TGFB2: variants seen among roughly 807,000 people sequenced by gnomAD.
TGFB2 encodes transforming growth factor beta-2 proprotein.
TGFB2 carries 13 observed loss-of-function variants against 42.7 expected under a neutral mutation model. The ratio of observed to expected loss-of-function variants is 0.30; its 90% CI spans 0.20 to 0.48. The LOEUF (loss-of-function observed/expected upper bound fraction) is 0.48, where lower values mean the gene tolerates loss of function less well. Ranked by LOEUF, TGFB2 falls within the 20% of genes least tolerant of loss-of-function variation. The pLI is 0.99. For synonymous variants in TGFB2, 193 were observed against 193.6 expected, an observed-to-expected ratio of 1.00 and a Z score of 0.03; for missense variants, 390 against 517.5, an observed-to-expected ratio of 0.75 and a Z score of 2.39.
chr1:218,403,450 T>C (rs1464766607), intron 1 of TGFB2, among the ~76,000 whole-genome samples: 1 of 152,102 alleles, frequency 6.6e-6, no homozygotes, highest in Non-Finnish European at 1.5e-5. Flanking sequence ...CCTAGCATCT[T>C]TTTTTCTTCA....
chr1:218,414,195 A>T (rs74143061), intron 2 of TGFB2, among the ~76,000 whole-genome samples: 1,883 of 151,838 alleles, frequency 0.012, 32 homozygotes, highest in African/African-American at 0.043. Context: ...GTTAATGAAA[A>T]TTGCCTCTTT....
At chr1:218,369,256 G>GAAAAA (rs34825461) in intron 1 of TGFB2, among the ~76,000 whole-genome samples, 3 of 35,646 alleles carry the variant, frequency 8.4e-5, no homozygotes, top group Non-Finnish European at 1.0e-4. Context: ...TTCCGTCTCA[G>GAAAAA]AAAAAAAAAA....
chr1:218,381,021 C>T lies in TGFB2; in HGVS notation c.347-24148C>T, dbSNP rs1657941762. On this transcript the variant is annotated intron_variant, in intron 1 of 6. Coordinates refer to ENST00000366930, the MANE Select transcript of TGFB2 (RefSeq NM_003238.6). ...GAGTTAATTACCCAAGATCAATTCT[C>T]TTCTGTTCCAAGGTCTCTTTGTTAC... 2.0e-5 allele frequency among the ~76,000 whole-genome samples: 3 copies of T among 152,168 alleles called. No individual in the cohort carries two copies. In the South Asian group the frequency reaches 6.2e-4, roughly 31 times the overall value.
In TGFB2 at chr1:218,369,027, C is replaced by T. The variant is rs190134814; in HGVS notation, c.346+21980C>T. On this transcript the variant is annotated intron_variant, in intron 1 of 6. Coordinates refer to ENST00000366930, the MANE Select transcript of TGFB2 (RefSeq NM_003238.6). ...ATCCCACCACTTTGGGAGGCCGAGG[C>T]GGGTGGATCACAAGGTCAAGAGATC... is the stretch of plus-strand genomic sequence containing the variant. Among the ~76,000 whole-genome samples, 642 of 151,756 alleles carry T rather than the reference C, an allele frequency of 4.2e-3. 3 individuals are homozygous for T. The highest frequency in any genetic ancestry group is 0.014 in the African/African-American group (588 of 41,384).
rs541258901 is a variant in TGFB2 at position 218,420,312 on chromosome 1, C to T, written c.511-13770C>T. On this transcript the variant is annotated intron_variant, in intron 2 of 6. Transcript: ENST00000366930. Reference sequence around the variant, plus strand: ...AATTCTCCTTCAAATTCTACCATTACGTATTGTACTGCACCCCTCTCTCGC... The same window carrying T: ...AATTCTCCTTCAAATTCTACCATTATGTATTGTACTGCACCCCTCTCTCGC... Among the ~76,000 whole-genome samples the T allele has an allele frequency of 9.2e-5, 14 of 152,304 alleles. No individual in the cohort carries two copies. The East Asian group carries it at 2.1e-3, about 23-fold the overall frequency.
chr1:218,352,153 G>T (rs1201994824), intron 1 of TGFB2, among the ~76,000 whole-genome samples: 1 of 115,634 alleles, frequency 8.6e-6, no homozygotes, highest in Non-Finnish European at 1.6e-5. Context: ...CCCCATTATA[G>T]GTTCAGGAGT....
intron 1 of TGFB2, among the ~76,000 whole-genome samples, chr1:218,351,918 A>G (rs1656879152): frequency 1.3e-5 from 2 of 152,240 alleles, no homozygotes; most frequent in African/African-American, 4.8e-5. Context: ...TGTTGAACCC[A>G]CATCAAATCT....
At chr1:218,416,842 C>T (rs909033754) in intron 2 of TGFB2, among the ~76,000 whole-genome samples, 1 of 152,172 alleles carries the variant, frequency 6.6e-6, no homozygotes, top group South Asian at 2.1e-4. Context: ...GAATAAGTCT[C>T]ATGAGATCTG....
At chr1:218,361,720 CTT>C (rs1297350646) in intron 1 of TGFB2, among the ~76,000 whole-genome samples, 3 of 152,202 alleles carry the variant, frequency 2.0e-5, no homozygotes, top group Non-Finnish European at 4.4e-5. Context: ...AATGAGAAAA[CTT>C]TGTCTGACTT....
intron 1 of TGFB2, among the ~76,000 whole-genome samples, chr1:218,356,853 C>T (rs1300459506): frequency 6.6e-6 from 1 of 152,190 alleles, no homozygotes; most frequent in East Asian, 1.9e-4. Flanking sequence ...ACAGCCGCCT[C>T]TTAGCCTTCA....
chr1:218,365,953 C>T (rs932209239), intron 1 of TGFB2, among the ~76,000 whole-genome samples: 6 of 152,182 alleles, frequency 3.9e-5, no homozygotes, highest in South Asian at 2.1e-4. Flanking sequence ...TTGTTGATAA[C>T]GACGTGTTCT....
At chr1:218,349,857 G>A (rs74143049) in intron 1 of TGFB2, among the ~76,000 whole-genome samples, 4,233 of 152,266 alleles carry the variant, frequency 0.028, 198 homozygotes, top group African/African-American at 0.096. Flanking sequence ...CAATCTCCTA[G>A]GATGAATTTT....
At chr1:218,385,097 G>C (rs11466380) in intron 1 of TGFB2, among the ~76,000 whole-genome samples, 11 of 152,080 alleles carry the variant, frequency 7.2e-5, no homozygotes, top group African/African-American at 2.7e-4. Flanking sequence ...ATCTGGGTTT[G>C]ATTCTATTTT....
chr1:218,397,971 C>T (rs1056746602), intron 1 of TGFB2, among the ~76,000 whole-genome samples: 2 of 152,224 alleles, frequency 1.3e-5, no homozygotes, highest in Non-Finnish European at 2.9e-5. Flanking sequence ...GGAAAATCCC[C>T]CACGAGGACA....
chr1:218,394,349 G>C (rs1658425762), intron 1 of TGFB2, among the ~76,000 whole-genome samples: 1 of 152,116 alleles, frequency 6.6e-6, no homozygotes, highest in Non-Finnish European at 1.5e-5. Context: ...AAGTGAAATA[G>C]GTGTCTCCGT....
intron 1 of TGFB2, among the ~76,000 whole-genome samples, 198 bp from the exon 2 acceptor site, chr1:218,404,971 G>T (rs1558248196): frequency 1.3e-5 from 2 of 152,228 alleles, no homozygotes; most frequent in South Asian, 4.1e-4. Context: ...CTATTAATTT[G>T]CTACTCCTGT....
Position 218,434,017 on chromosome 1 carries a change from T to A in TGFB2, c.511-65T>A, listed in dbSNP as rs1369401910. Reference sequence around the variant, plus strand: ...TAATGAATTAGAACACTGTTAATAGTTTTGGTTTAGTCATGCTGTCAGAAT... The same window carrying A: ...TAATGAATTAGAACACTGTTAATAGATTTGGTTTAGTCATGCTGTCAGAAT... On this transcript the variant is annotated intron_variant, in intron 2 of 6. Coordinates refer to ENST00000366930, the MANE Select transcript of TGFB2 (RefSeq NM_003238.6). 4 of 1,595,042 alleles carry A rather than the reference T, an allele frequency of 2.5e-6. No individual in the cohort carries two copies. The African/African-American group carries it at 5.4e-5, about 21-fold the overall frequency.
Position 218,441,700 on chromosome 1 carries a change from C to A in TGFB2, c.*338C>A, listed in dbSNP as rs1660159523. The A allele has an allele frequency of 1.1e-5, 2 of 190,440 alleles. No individual in the cohort carries two copies. The highest frequency in any genetic ancestry group is 4.8e-5 in the African/African-American group (2 of 42,008). 11.8% of individuals were successfully genotyped at this position (190,440 alleles called of 1,614,324 possible). ...TGAACAACGACAACAACAACAACAA[C>A]AACAAACAGGAAAATCCCATTAAGT... is the stretch of plus-strand genomic sequence containing the variant. On this transcript the variant is annotated 3_prime_UTR_variant, in exon 7 of 7. Coordinates refer to ENST00000366930, the MANE Select transcript of TGFB2 (RefSeq NM_003238.6).
chr1:218,415,804 A>G (rs1659260176), intron 2 of TGFB2, among the ~76,000 whole-genome samples: 2 of 150,580 alleles, frequency 1.3e-5, no homozygotes, highest in Admixed American at 6.6e-5. Context: ...TCAGTTTTTC[A>G]TCTGAAACTG....
Sources: allele counts gnomAD v4.1 joint callset (sites outside exome capture counted in the v4.1 genomes callset), GRCh38; gene constraint gnomAD v4.1.1; transcripts MANE v1.5; gene names NCBI Gene and HGNC (gene_info 2026-07-23, HGNC 2026-07-21).